The following SOX5 variants were observed in gnomAD, a reference collection of about 807,000 sequenced individuals.
The protein encoded by SOX5 is transcription factor SOX-5.
SOX5 carries 9 observed loss-of-function variants against 92.0 expected under a neutral mutation model. The observed-to-expected ratio is 0.10, with a 90% CI of 0.06 to 0.17. SOX5 has a LOEUF of 0.17. Among genes scored for constraint, SOX5 ranks in the 10% least tolerant of loss-of-function variants. The probability of loss-of-function intolerance (pLI) is 1.00; values close to 1 mark genes in which losing one functional copy is unlikely to be tolerated. For synonymous variants in SOX5, 344 were observed against 336.3 expected (o/e 1.02, Z -0.25); for missense variants, 642 against 944.5 (o/e 0.68, Z 4.20).
intron 2 of SOX5, among the ~76,000 whole-genome samples, chr12:24,279,865 T>C (rs1944950711): frequency 6.6e-6 from 1 of 152,178 alleles, no homozygotes; most frequent in African/African-American, 2.4e-5. Context: ...CTCTGTAAAC[T>C]GCAGGGGAGA....
At chr12:24,400,801 G>A (rs1365669813) in intron 1 of SOX5, among the ~76,000 whole-genome samples, 2 of 152,118 alleles carry the variant, frequency 1.3e-5, no homozygotes, top group African/African-American at 2.4e-5. Context: ...TTCAAATAAG[G>A]TATGTGACAG....
chr12:24,211,212 A>C (rs1958573500), intron 4 of SOX5, among the ~76,000 whole-genome samples: 1 of 152,176 alleles, frequency 6.6e-6, no homozygotes, highest in Non-Finnish European at 1.5e-5. Flanking sequence ...TCAGTCCTCT[A>C]TTCCATTCTC....
chr12:23,806,644 A>T (rs1454470255), intron 3 of SOX5, among the ~76,000 whole-genome samples: 2 of 151,440 alleles, frequency 1.3e-5, no homozygotes, highest in Non-Finnish European at 2.9e-5. Context: ...GCATCACAGA[A>T]TAGTGGAGTG....
chr12:24,538,349 G>C (rs1951822509), intron 1 of SOX5, among the ~76,000 whole-genome samples: 1 of 152,042 alleles, frequency 6.6e-6, no homozygotes, highest in Admixed American at 6.6e-5. Flanking sequence ...AAAAAAGTTT[G>C]AATTCCAGAG....
chr12:24,374,182 G>A (rs1357045068), intron 1 of SOX5, among the ~76,000 whole-genome samples: 2 of 152,076 alleles, frequency 1.3e-5, no homozygotes, highest in Admixed American at 6.5e-5. Context: ...ATTAATATTT[G>A]GCTTCCAGGG....
chr12:24,071,229 C>T (rs1941727081), intron 4 of SOX5, among the ~76,000 whole-genome samples: 1 of 152,116 alleles, frequency 6.6e-6, no homozygotes, highest in Non-Finnish European at 1.5e-5. Flanking sequence ...ATTAAATGCT[C>T]ACAAAATAAC....
At chr12:24,184,008 A>G (rs569497624) in intron 4 of SOX5, among the ~76,000 whole-genome samples, 1 of 152,302 alleles carries the variant, frequency 6.6e-6, no homozygotes, top group South Asian at 2.1e-4. Context: ...AACAATATAT[A>G]ATTTCATGCT....
chr12:23,932,442 C>A (rs1941652087), intron 1 of SOX5, among the ~76,000 whole-genome samples: 1 of 151,500 alleles, frequency 6.6e-6, no homozygotes, highest in Admixed American at 6.6e-5. Flanking sequence ...TGAATATGAA[C>A]TGTATGTCAA....
intron 2 of SOX5, among the ~76,000 whole-genome samples, chr12:24,307,310 A>G (rs576166210): frequency 6.7e-6 from 1 of 148,850 alleles, no homozygotes; most frequent in South Asian, 2.1e-4. Flanking sequence ...CCTTGAAAAT[A>G]TAGACTGTCT....
chr12:24,331,910 G>A (rs1359402933), intron 2 of SOX5, among the ~76,000 whole-genome samples: 2 of 126,928 alleles, frequency 1.6e-5, no homozygotes, highest in Admixed American at 7.4e-5. Flanking sequence ...CTGAAAAAAG[G>A]TGAAATTAAG....
intron 1 of SOX5, among the ~76,000 whole-genome samples, chr12:24,384,450 C>T (rs1958157777): frequency 6.6e-6 from 1 of 152,050 alleles, no homozygotes; most frequent in African/African-American, 2.4e-5. Context: ...GTGCCCAAAG[C>T]ATAAGAATCA....
At chr12:24,261,580 T>C (rs1002218860) in intron 3 of SOX5, among the ~76,000 whole-genome samples, 2 of 151,904 alleles carry the variant, frequency 1.3e-5, no homozygotes, top group Admixed American at 6.6e-5. Flanking sequence ...ACTTCCCCTA[T>C]AGGAAAAAAA....
intron 1 of SOX5, among the ~76,000 whole-genome samples, chr12:23,928,494 A>G (rs145217381): frequency 3.9e-5 from 6 of 152,148 alleles, no homozygotes; most frequent in African/African-American, 1.4e-4. Flanking sequence ...CTAAGCATAT[A>G]AAAACAATTT....
At chr12:24,143,737 ACT>A (rs930134696) in intron 4 of SOX5, among the ~76,000 whole-genome samples, 3 of 149,596 alleles carry the variant, frequency 2.0e-5, no homozygotes, top group African/African-American at 5.1e-5. Flanking sequence ...GTTGTGGGAC[ACT>A]CTACTCTGGG....
At chr12:24,100,715 C>T (rs1321793107) in intron 4 of SOX5, among the ~76,000 whole-genome samples, 1 of 152,092 alleles carries the variant, frequency 6.6e-6, no homozygotes, top group Non-Finnish European at 1.5e-5. Context: ...CTTTGATATA[C>T]AATAGGATTT....
In SOX5 at chr12:23,575,679, C is replaced by T; in HGVS notation, c.1324G>A (p.Ala442Thr). 1.2e-6 allele frequency: 2 copies of T among 1,614,134 alleles called. No individual in the cohort carries two copies. Among genetic ancestry groups the T allele is most frequent in the Non-Finnish European group, 1.7e-6 (2 of 1,179,986 alleles). Reference sequence around the variant, plus strand: ...AACTTACCTATTGTGCTAACTCTGGCTGAAGGACTAGCTAACGCTGCTGGG... The same window carrying T: ...AACTTACCTATTGTGCTAACTCTGGTTGAAGGACTAGCTAACGCTGCTGGG... ...SVPAALASPS[A>T]RVSTIGYLND... is the part of the protein sequence containing the mutation. Residue 442 changes from alanine (A) to threonine (T), a missense_variant, in exon 10 of 15, where the codon GCC becomes ACC. This residue lies in a region of SOX5 where 324 missense variants were observed against 461.6 expected (regional missense o/e 0.70). Transcript: ENST00000451604.
chr12:24,143,206 A>G (rs566811331), intron 4 of SOX5, among the ~76,000 whole-genome samples: 28 of 152,324 alleles, frequency 1.8e-4, no homozygotes, highest in African/African-American at 6.0e-4. Flanking sequence ...TGCTTCCAAG[A>G]CACGTCACTG....
intron 6 of SOX5, among the ~76,000 whole-genome samples, chr12:23,687,742 G>A (rs538411466): frequency 1.3e-5 from 2 of 151,948 alleles, no homozygotes; most frequent in East Asian, 1.9e-4. Context: ...ACTGAATAAT[G>A]AGCTCAATCT....
At chr12:24,132,982 G>T (rs1188124235) in intron 4 of SOX5, among the ~76,000 whole-genome samples, 1 of 152,128 alleles carries the variant, frequency 6.6e-6, no homozygotes, top group Non-Finnish European at 1.5e-5. Flanking sequence ...GTAAGTAAAA[G>T]ATAAAGTCAA....
Sources: allele counts gnomAD v4.1 joint callset (sites outside exome capture counted in the v4.1 genomes callset), GRCh38; gene constraint gnomAD v4.1.1; regional missense constraint gnomAD v4.1.1; transcripts MANE v1.5; gene names NCBI Gene and HGNC (gene_info 2026-07-23, HGNC 2026-07-21).